Variants in ASIC2 observed in about 807,000 individuals in gnomAD.
The protein encoded by ASIC2 is acid sensing ion channel subunit 2, also known as acid-sensing ion channel 2.
In ASIC2, 25 loss-of-function variants were observed where a neutral mutation model predicts 57.3. The ratio of observed to expected loss-of-function variants is 0.44; its 90% CI spans 0.32 to 0.61. The LOEUF (loss-of-function observed/expected upper bound fraction) is 0.61. ASIC2 is among the 20% of genes least tolerant of loss of function. ASIC2 has a pLI of 0.06. For missense variants in ASIC2, 641 were observed against 738.1 expected (o/e 0.87, Z 1.52); for synonymous variants, 319 against 307.5 (o/e 1.04, Z -0.39).
chr17:34,010,885 G>T (rs1022700053), intron 1 of ASIC2, among the ~76,000 whole-genome samples: 1 of 151,872 alleles, frequency 6.6e-6, no homozygotes. Context: ...TGCTCAGAGT[G>T]TTGTCTTAAT....
intron 1 of ASIC2, among the ~76,000 whole-genome samples, chr17:33,171,263 T>A (rs1470854586): frequency 1.3e-5 from 2 of 152,242 alleles, no homozygotes; most frequent in Non-Finnish European, 2.9e-5. Context: ...TTCAGTTGAC[T>A]AGCAAATTCC....
intron 1 of ASIC2, among the ~76,000 whole-genome samples, chr17:33,388,967 T>A (rs1371574204): frequency 6.6e-6 from 1 of 152,104 alleles, no homozygotes; most frequent in Non-Finnish European, 1.5e-5. Flanking sequence ...CTTGTTTGTT[T>A]GTTTGTTTTT....
rs1252317074 is a variant in ASIC2, at chr17:33,506,226, C to G, written c.556-394159G>C. 8.3e-5 allele frequency among the ~76,000 whole-genome samples: 11 copies of G among 132,356 alleles called. No homozygotes were observed. The East Asian group carries it at 1.9e-3, about 23-fold the overall frequency. 86.8% of individuals were successfully genotyped at this position (132,356 alleles called of 152,430 possible). ...TGGCTAACATGGTGAAACCCCATCT[C>G]TACTAAAAATACAAAAAAAAAAAAA... On this transcript the variant is annotated intron_variant, in intron 1 of 9. Transcript: ENST00000359872.
At chr17:33,779,136 A>C (rs1301087732) in intron 1 of ASIC2, among the ~76,000 whole-genome samples, 1 of 152,176 alleles carries the variant, frequency 6.6e-6, no homozygotes, top group Non-Finnish European at 1.5e-5. Flanking sequence ...AATCAGAAGG[A>C]TGCCATTCCA....
At chr17:33,409,518 G>C (rs998285894) in intron 1 of ASIC2, among the ~76,000 whole-genome samples, 1 of 152,196 alleles carries the variant, frequency 6.6e-6, no homozygotes, top group Non-Finnish European at 1.5e-5. Flanking sequence ...ATAGAGATGC[G>C]TGAAGTTGGC....
At chr17:33,174,738 T>C (rs915684024) in intron 1 of ASIC2, among the ~76,000 whole-genome samples, 1 of 152,182 alleles carries the variant, frequency 6.6e-6, no homozygotes, top group Non-Finnish European at 1.5e-5. Flanking sequence ...AGAGCCCGTG[T>C]CCTGGTGACT....
upstream of ASIC2, among the ~76,000 whole-genome samples, chr17:33,297,051 G>A (rs1905746530): frequency 6.6e-6 from 1 of 151,430 alleles, no homozygotes; most frequent in African/African-American, 2.5e-5. Flanking sequence ...ATTTATCCAT[G>A]GGGACCCACA....
At chr17:34,077,688 G>A (rs535552924) in intron 1 of ASIC2, among the ~76,000 whole-genome samples, 1 of 152,106 alleles carries the variant, frequency 6.6e-6, no homozygotes, top group African/African-American at 2.4e-5. Context: ...CTTGTGAGAT[G>A]TTAATTGCGT....
At chr17:33,468,302 A>C (rs1299432666) in intron 1 of ASIC2, among the ~76,000 whole-genome samples, 2 of 152,198 alleles carry the variant, frequency 1.3e-5, no homozygotes, top group Non-Finnish European at 2.9e-5. Context: ...GAGGAGGCAA[A>C]GACCATCTCC....
At chr17:33,352,337 C>T (rs1417291733) in intron 1 of ASIC2, among the ~76,000 whole-genome samples, 1 of 152,082 alleles carries the variant, frequency 6.6e-6, no homozygotes, top group Non-Finnish European at 1.5e-5. Context: ...CTCAGAAGTG[C>T]CCAGTGAGCC....
At chr17:34,107,328 C>A (rs1384529821) in intron 1 of ASIC2, among the ~76,000 whole-genome samples, 2 of 151,970 alleles carry the variant, frequency 1.3e-5, no homozygotes, top group Non-Finnish European at 2.9e-5. Flanking sequence ...ATGGCAAAAC[C>A]CCATCTCAAC....
At chr17:33,295,167 C>G (rs1250479675), upstream of ASIC2, among the ~76,000 whole-genome samples, 2 of 150,082 alleles carry the variant, frequency 1.3e-5, no homozygotes, top group Admixed American at 1.3e-4. Flanking sequence ...TAGCTATTTC[C>G]CCCTTGAAAT....
intron 1 of ASIC2, among the ~76,000 whole-genome samples, chr17:33,453,587 G>A (rs1408364078): frequency 6.6e-6 from 1 of 152,142 alleles, no homozygotes; most frequent in Non-Finnish European, 1.5e-5. Context: ...GGTTTATGAG[G>A]ACAATCATAG....
chr17:34,154,803 G>T (rs926119284), intron 1 of ASIC2, among the ~76,000 whole-genome samples: 2 of 152,158 alleles, frequency 1.3e-5, no homozygotes, highest in African/African-American at 4.8e-5. Context: ...AGACTCAAAA[G>T]CTCTCAATCC....
chr17:33,287,102 C>A (rs1156658376), intron 1 of ASIC2, among the ~76,000 whole-genome samples: 1 of 152,202 alleles, frequency 6.6e-6, no homozygotes. Flanking sequence ...GCACTTTATC[C>A]ACATTATGAT....
intron 1 of ASIC2, among the ~76,000 whole-genome samples, chr17:33,149,816 T>C (rs1352836759): frequency 6.6e-6 from 1 of 152,256 alleles, no homozygotes; most frequent in East Asian, 1.9e-4. Context: ...ATCTGTATTG[T>C]ATTTTTCCCT....
chr17:33,327,396 A>G (rs1029683836), intron 1 of ASIC2, among the ~76,000 whole-genome samples: 1 of 152,214 alleles, frequency 6.6e-6, no homozygotes, highest in African/African-American at 2.4e-5. Context: ...ACAGCATCCT[A>G]TACATTGGAT....
intron 1 of ASIC2, among the ~76,000 whole-genome samples, chr17:33,493,545 C>T (rs984873143): frequency 6.6e-6 from 1 of 152,070 alleles, no homozygotes; most frequent in Admixed American, 6.5e-5. Context: ...TCTTTCTTGC[C>T]CCCTTCAGTC....
chr17:33,108,237 A>G (rs573873293), intron 2 of ASIC2, among the ~76,000 whole-genome samples: 5 of 152,244 alleles, frequency 3.3e-5, no homozygotes, highest in East Asian at 1.9e-4. Flanking sequence ...CTGTCTTCCT[A>G]CACTGCCTCC....
Sources: allele counts gnomAD v4.1 joint callset (sites outside exome capture counted in the v4.1 genomes callset), GRCh38; gene constraint gnomAD v4.1.1; transcripts MANE v1.5; gene names NCBI Gene and HGNC (gene_info 2026-07-23, HGNC 2026-07-21).